Variants in PNPLA8 observed in about 807,000 individuals in gnomAD.
PNPLA8 encodes patatin like domain 8, phospholipase A2.
PNPLA8 carries 39 observed loss-of-function variants against 76.9 expected under a neutral mutation model. The ratio of observed to expected loss-of-function variants is 0.51; its 90% CI spans 0.39 to 0.66. The LOEUF (loss-of-function observed/expected upper bound fraction) is 0.66. Among genes scored for constraint, PNPLA8 ranks in the 30% least tolerant of loss-of-function variants. The pLI is 0.00. For missense variants in PNPLA8, 887 were observed against 918.0 expected (o/e 0.97, Z 0.44); for synonymous variants, 301 against 307.9 (o/e 0.98, Z 0.24).
intron 4 of PNPLA8, chr7:108,510,321 A>C: frequency 6.3e-7 from 1 of 1,587,380 alleles, no homozygotes; most frequent in Non-Finnish European, 8.5e-7. Flanking sequence ...CTGAAGATGA[A>C]GCGCCTGAGA....
intron 7 of PNPLA8, among the ~76,000 whole-genome samples, chr7:108,492,875 T>G (rs1301125649): frequency 1.3e-5 from 2 of 152,186 alleles, no homozygotes; most frequent in Non-Finnish European, 2.9e-5. Flanking sequence ...TGGCATGGCT[T>G]TCGTCCATGT....
In PNPLA8 at chr7:108,485,293, A is replaced by T. The variant is rs570314234; in HGVS notation, c.1878+2466T>A. ...GATAGGGAGAGATTGGGAGCTACTC[A>T]CAAAGAATTCTTCTCACTTTATAAT... On this transcript the variant is annotated intron_variant, in intron 9 of 10. Coordinates refer to ENST00000257694, the MANE Select transcript of PNPLA8 (RefSeq NM_001256007.3). 1.1e-4 allele frequency among the ~76,000 whole-genome samples: 17 copies of T among 152,298 alleles called. No individual in the cohort carries two copies. In the South Asian group the frequency reaches 3.3e-3, roughly 30 times the overall value.
intron 4 of PNPLA8, chr7:108,510,532 G>A: frequency 3.6e-6 from 5 of 1,376,750 alleles, no homozygotes; most frequent in Non-Finnish European, 5.1e-6. Context: ...TCAGTGGCGT[G>A]AGCCCAAAGG....
At chr7:108,490,044 C>G (rs913678946) in intron 8 of PNPLA8, among the ~76,000 whole-genome samples, 2 of 152,178 alleles carry the variant, frequency 1.3e-5, no homozygotes, top group Non-Finnish European at 2.9e-5. Flanking sequence ...TCCCATAAGA[C>G]TATAAACGGG....
chr7:108,488,975 G>A (rs888077762), intron 8 of PNPLA8, among the ~76,000 whole-genome samples: 3 of 152,172 alleles, frequency 2.0e-5, no homozygotes, highest in African/African-American at 7.2e-5. Context: ...ATCCAAGTCT[G>A]TCTCTAGGCC....
chr7:108,501,176 C>T (rs1402484847), intron 5 of PNPLA8, among the ~76,000 whole-genome samples: 2 of 152,068 alleles, frequency 1.3e-5, no homozygotes, highest in Admixed American at 1.3e-4. Flanking sequence ...ATAGGCAGGG[C>T]ATGTACTATG....
At chr7:108,510,378 T>A in intron 4 of PNPLA8, 2 of 1,561,502 alleles carry the variant, frequency 1.3e-6, no homozygotes, top group South Asian at 1.1e-5. Flanking sequence ...AGGAAGCTTA[T>A]CTATGAAAAA....
rs747479185 is a variant in PNPLA8 at position 108,502,503 on chromosome 7, C to A, written c.1346G>T (p.Gly449Val). Residue 449 changes from glycine (G) to valine (V), a missense_variant, in exon 5 of 11, where the codon GGT (glycine) becomes GTT (valine). By Grantham distance (109) the Gly-to-Val change is moderately radical. Coordinates refer to ENST00000257694, the MANE Select transcript of PNPLA8 (RefSeq NM_001256007.3). Reference protein sequence around the residue: ...GRGIRILSIDGGGTRGVVALQ... With the variant: ...GRGIRILSIDVGGTRGVVALQ... ...TTCCTAGCCTTACCTTGTTCCTCCA[C>A]CATCAATTGAGAGAATTCGGATTCC... is the stretch of plus-strand genomic sequence containing the variant. 6.3e-7 allele frequency: 1 copy of A among 1,592,418 alleles called. No homozygotes were observed. Among genetic ancestry groups the A allele is most frequent in the South Asian group, 1.1e-5 (1 of 90,190 alleles).
At chr7:108,523,887 A>G (rs1863910024) in intron 1 of PNPLA8, among the ~76,000 whole-genome samples, 1 of 152,196 alleles carries the variant, frequency 6.6e-6, no homozygotes, top group South Asian at 2.1e-4. Flanking sequence ...ACAACAAAAC[A>G]CAGGACTTGA....
rs925072131 is a variant in PNPLA8 at position 108,496,720 on chromosome 7, T to C, written c.1489A>G (p.Met497Val). The C allele has an allele frequency of 6.2e-7, 1 of 1,611,068 alleles. No individual in the cohort carries two copies. Among genetic ancestry groups the C allele is most frequent in the Non-Finnish European group, 8.5e-7 (1 of 1,178,828 alleles). ...AGTTCCTCACATTCATCCAAGGGCA[T>C]ATGAAACAACCCCAACATGAAAGCT... ...ILAFMLGLFHMPLDECEELYR... is the reference protein window; with the variant it reads ...ILAFMLGLFHVPLDECEELYR... Residue 497 changes from methionine to valine, a missense_variant, in exon 7 of 11, where the codon ATG (methionine) becomes GTG (valine). By Grantham distance (21) the Met-to-Val change is conservative. Transcript: ENST00000257694.
chr7:108,501,797 C>G (rs1434313578), intron 5 of PNPLA8, among the ~76,000 whole-genome samples: 3 of 152,018 alleles, frequency 2.0e-5, no homozygotes, highest in African/African-American at 7.3e-5. Flanking sequence ...GCACTCCAGC[C>G]TGGGCGACAG....
At chr7:108,526,964 A>C (rs1345091598), upstream of PNPLA8, among the ~76,000 whole-genome samples, 2 of 152,374 alleles carry the variant, frequency 1.3e-5, no homozygotes, top group East Asian at 3.9e-4. Flanking sequence ...TCATTAGAAC[A>C]TAGCTTTGCA....
chr7:108,523,490 T>C (rs2154517265), intron 1 of PNPLA8, among the ~76,000 whole-genome samples: 1 of 151,768 alleles, frequency 6.6e-6, no homozygotes, highest in East Asian at 1.9e-4. Flanking sequence ...TGTATGCATG[T>C]CGAAACTCAC....
At chr7:108,524,640 C>A (rs1402801331) in intron 1 of PNPLA8, among the ~76,000 whole-genome samples, 1 of 152,126 alleles carries the variant, frequency 6.6e-6, no homozygotes, top group African/African-American at 2.4e-5. Context: ...GCCTGGCCAA[C>A]ATGGGGAAAC....
At chr7:108,497,693 TAATA>T (rs1861643708) in intron 5 of PNPLA8, 116 bp from the exon 6 acceptor site, 1 of 477,536 alleles carries the variant, frequency 2.1e-6, no homozygotes, top group Non-Finnish European at 3.5e-6. Flanking sequence ...ACATGAAAAT[TAATA>T]ATATAAATCA....
At chr7:108,511,889 T>C (rs1862960288) in intron 4 of PNPLA8, among the ~76,000 whole-genome samples, 1 of 152,242 alleles carries the variant, frequency 6.6e-6, no homozygotes. Context: ...TCTGAAGGAA[T>C]ACTGTGCAGA....
intron 7 of PNPLA8, among the ~76,000 whole-genome samples, chr7:108,492,141 T>A (rs1185075488): frequency 2.6e-5 from 4 of 152,232 alleles, no homozygotes; most frequent in Admixed American, 2.6e-4. Flanking sequence ...ATACAAAGAC[T>A]ATGGTTTCAC....
intron 4 of PNPLA8, among the ~76,000 whole-genome samples, chr7:108,504,364 T>C (rs146071875): frequency 9.9e-5 from 15 of 152,138 alleles, no homozygotes; most frequent in African/African-American, 2.7e-4. Flanking sequence ...AATAACAAAA[T>C]AAAATTATCA....
chr7:108,520,674 C>T (rs146466079), intron 2 of PNPLA8, among the ~76,000 whole-genome samples: 1 of 151,934 alleles, frequency 6.6e-6, no homozygotes, highest in Non-Finnish European at 1.5e-5. Context: ...ACATTGTATG[C>T]ATGTATCAAA....
Sources: gnomAD v4.1 joint callset for allele counts (sites outside exome capture counted in the v4.1 genomes callset) on GRCh38, gnomAD v4.1.1 for gene constraint, MANE v1.5 for transcripts, NCBI Gene and HGNC (gene_info 2026-07-23, HGNC 2026-07-21) for gene names.